The following ZNF469 variants were observed in gnomAD, a reference collection of about 807,000 sequenced individuals.
ZNF469 encodes the protein zinc finger protein 469.
In ZNF469, 1 loss-of-function variant was observed where a neutral mutation model predicts 1.0. That is an observed-to-expected ratio of 1.00 (90% CI 0.35 to 4.73). The LOEUF (loss-of-function observed/expected upper bound fraction) is 4.73, where lower values mean the gene tolerates loss of function less well. ZNF469 is among the 30% of genes most tolerant of loss of function. The probability of loss-of-function intolerance (pLI) is 0.16; values close to 1 mark genes in which losing one functional copy is unlikely to be tolerated. For missense variants in ZNF469, 6,100 were observed against 5,356.3 expected (o/e 1.14, Z -4.33); for synonymous variants, 2,703 against 2,363.4 (o/e 1.14, Z -4.17).
the ZNF469 span, among the ~76,000 whole-genome samples, chr16:88,331,017 AT>A: frequency 1.3e-5 from 2 of 151,530 alleles, no homozygotes; most frequent in Non-Finnish European, 2.9e-5. Context: ...CACCATCACC[AT>A]CGCCATCACT....
chr16:88,185,990 C>T, the ZNF469 span, among the ~76,000 whole-genome samples: 1 of 152,184 alleles, frequency 6.6e-6, no homozygotes, highest in African/African-American at 2.4e-5. Flanking sequence ...GACACACACA[C>T]TCACACATTC....
the ZNF469 span, among the ~76,000 whole-genome samples, chr16:88,120,944 C>T: frequency 6.6e-6 from 1 of 152,126 alleles, no homozygotes; most frequent in Non-Finnish European, 1.5e-5. Flanking sequence ...CGTTTCTTGG[C>T]CGCAGGCGTT....
At chr16:88,401,596 T>C (rs1904863448) in intron 1 of ZNF469, among the ~76,000 whole-genome samples, 1 of 134,238 alleles carries the variant, frequency 7.4e-6, no homozygotes, top group Non-Finnish European at 1.6e-5. Flanking sequence ...AATAGGTAGA[T>C]GGATGGATAG....
the ZNF469 span, among the ~76,000 whole-genome samples, chr16:88,141,145 C>CA: frequency 9.9e-5 from 15 of 151,908 alleles, no homozygotes; most frequent in South Asian, 4.1e-4. Flanking sequence ...CGCTAAATTG[C>CA]AAAAAAAGTA....
chr16:88,300,819 C>A, the ZNF469 span, among the ~76,000 whole-genome samples: 1 of 152,152 alleles, frequency 6.6e-6, no homozygotes, highest in African/African-American at 2.4e-5. Context: ...GATCCCAGAA[C>A]TTTGGGAGGC....
chr16:88,251,538 C>CTTTTTTT, the ZNF469 span, among the ~76,000 whole-genome samples: 216 of 51,264 alleles, frequency 4.2e-3, 40 homozygotes, highest in East Asian at 0.026. Flanking sequence ...TCCCTGCTGT[C>CTTTTTTT]TTTTTTTTTT....
At chr16:88,162,933 C>A in the ZNF469 span, among the ~76,000 whole-genome samples, 1 of 152,170 alleles carries the variant, frequency 6.6e-6, no homozygotes, top group African/African-American at 2.4e-5. Flanking sequence ...CAACACAAGG[C>A]CCTTTAAAGT....
the ZNF469 span, chr16:88,302,357 A>C: frequency 2.0e-5 from 3 of 152,224 alleles, no homozygotes; most frequent in Non-Finnish European, 4.4e-5. Context: ...GATAAAATTC[A>C]TTCCTTTTTT....
At chr16:88,130,381 G>A in the ZNF469 span, among the ~76,000 whole-genome samples, 2 of 152,168 alleles carry the variant, frequency 1.3e-5, no homozygotes, top group African/African-American at 4.8e-5. Flanking sequence ...GAATGGCACA[G>A]TTAAAAACCA....
chr16:88,354,132 T>C, the ZNF469 span, among the ~76,000 whole-genome samples: 4 of 152,168 alleles, frequency 2.6e-5, no homozygotes, highest in African/African-American at 9.7e-5. Flanking sequence ...GTGGACTCAG[T>C]GGCTAGGTGA....
the ZNF469 span, among the ~76,000 whole-genome samples, chr16:88,141,856 C>T: frequency 6.6e-6 from 1 of 152,222 alleles, no homozygotes; most frequent in African/African-American, 2.4e-5. Context: ...TTCTTCCCTG[C>T]GCCTCCAGAA....
chr16:88,101,843 GA>G, the ZNF469 span, among the ~76,000 whole-genome samples: 1 of 152,156 alleles, frequency 6.6e-6, no homozygotes, highest in Non-Finnish European at 1.5e-5. Flanking sequence ...TAAACTTCCT[GA>G]AACTCCTTTA....
the ZNF469 span, among the ~76,000 whole-genome samples, chr16:88,122,491 A>T: frequency 1.3e-5 from 2 of 150,714 alleles, no homozygotes; most frequent in Non-Finnish European, 3.0e-5. Context: ...GTCACTCGCT[A>T]TGGCCACGGC....
chr16:88,431,186 C>T lies in ZNF469; in HGVS notation c.3716C>T (p.Thr1239Ile). 1.3e-6 allele frequency: 2 copies of T among 1,550,382 alleles called. No homozygotes were observed. The highest frequency in any genetic ancestry group is 1.7e-6 in the Non-Finnish European group (2 of 1,146,978). The part of the protein sequence containing the change: ...ETAEESAPDS[T>I]EFTEALRSPP... The stretch of plus-strand genomic sequence containing the variant: ...GCCGAAGAGTCAGCCCCGGACAGCA[C>T]AGAATTCACAGAGGCTTTGCGTTCT... Residue 1239 changes from threonine to isoleucine, a missense_variant, in exon 3 of 3, where the codon ACA (threonine) becomes ATA (isoleucine). Transcript: ENST00000565624.
the ZNF469 span, among the ~76,000 whole-genome samples, chr16:88,342,050 C>T: frequency 6.6e-6 from 1 of 151,928 alleles, no homozygotes; most frequent in Non-Finnish European, 1.5e-5. Flanking sequence ...CCAGGTGAGG[C>T]AAGCAGCAAC....
In ZNF469 at chr16:88,433,660, G is replaced by A. The variant is rs1195523623; in HGVS notation, c.6190G>A (p.Glu2064Lys). ...CCCAAGCCCCCCGTCCCCTAATAGG[G>A]AGTCCCTGGCGCTGGCCTTGACAGC... ...PTPSPPSPNRESLALALTAAH... is the reference protein window; with the variant it reads ...PTPSPPSPNRKSLALALTAAH... The change falls in exon 3 of 3, where the codon GAG becomes AAG. Residue 2064 changes from glutamate to lysine, a missense_variant. By Grantham distance (56) the Glu-to-Lys change is moderately conservative. Transcript: ENST00000565624. 2.5e-5 allele frequency: 38 copies of A among 1,550,032 alleles called. No homozygotes were observed. The highest frequency in any genetic ancestry group is 2.7e-5 in the Non-Finnish European group (31 of 1,146,896).
chr16:88,434,570 A>G lies in ZNF469; in HGVS notation c.7100A>G (p.Glu2367Gly). The G allele has an allele frequency of 6.5e-7, 1 of 1,550,272 alleles. No individual in the cohort carries two copies. The highest frequency in any genetic ancestry group is 8.7e-7 in the Non-Finnish European group (1 of 1,146,898). ...GGGCCGGACTCCCCCGCCTGCCTGG[A>G]AGGTGAGATGGGGACCAGCAGCAAG... The part of the protein sequence containing the change: ...GAGPDSPACL[E>G]GEMGTSSKEP... The change falls in exon 3 of 3, where the codon GAA becomes GGA. Residue 2367 changes from glutamate to glycine, a missense_variant. Physicochemically the swap from Glu to Gly is moderately conservative, Grantham distance 98 (BLOSUM62 -2). Transcript: ENST00000565624.
At chr16:88,140,055 G>A in the ZNF469 span, among the ~76,000 whole-genome samples, 8 of 152,216 alleles carry the variant, frequency 5.3e-5, no homozygotes, top group Non-Finnish European at 1.2e-4. Context: ...AATCAGCACT[G>A]TGCAGACAGG....
intron 1 of ZNF469, among the ~76,000 whole-genome samples, chr16:88,407,888 G>C (rs1038535303): frequency 1.3e-4 from 20 of 152,256 alleles, no homozygotes; most frequent in African/African-American, 4.8e-4. Flanking sequence ...GTAGGACATA[G>C]AAACCACATG....
Sources: allele counts gnomAD v4.1 joint callset (sites outside exome capture counted in the v4.1 genomes callset), GRCh38; gene constraint gnomAD v4.1.1; transcripts MANE v1.5; gene names NCBI Gene and HGNC (gene_info 2026-07-23, HGNC 2026-07-21).